ZNF445: variants seen among roughly 807,000 people sequenced by gnomAD.
ZNF445 encodes zinc finger protein 445.
ZNF445 carries 19 observed loss-of-function variants against 93.9 expected under a neutral mutation model. That is an observed-to-expected ratio of 0.20 (90% CI 0.14 to 0.30). The LOEUF (loss-of-function observed/expected upper bound fraction) is 0.30, where lower values mean the gene tolerates loss of function less well. Among genes scored for constraint, ZNF445 ranks in the 10% least tolerant of loss-of-function variants. The pLI is 1.00. For missense variants in ZNF445, 1,058 were observed against 1,259.4 expected (o/e 0.84, Z 2.42); for synonymous variants, 449 against 446.3 (o/e 1.01, Z -0.08).
At chr3:44,457,097 T>G (rs1225212618) in intron 2 of ZNF445, among the ~76,000 whole-genome samples, 1 of 152,136 alleles carries the variant, frequency 6.6e-6, no homozygotes, top group Non-Finnish European at 1.5e-5. Context: ...GGCACTGCAC[T>G]CTACACTCCA....
intron 1 of ZNF445, among the ~76,000 whole-genome samples, chr3:44,462,554 T>C (rs996254561): frequency 2.2e-4 from 34 of 152,164 alleles, no homozygotes; most frequent in African/African-American, 8.2e-4. Flanking sequence ...TCCTGTCTGG[T>C]TTTTTATTTA....
chr3:44,470,499 A>C (rs1698253525), intron 1 of ZNF445, among the ~76,000 whole-genome samples: 1 of 152,208 alleles, frequency 6.6e-6, no homozygotes, highest in Admixed American at 6.5e-5. Flanking sequence ...AAGCAACTTT[A>C]TATTTTTTTT....
intron 5 of ZNF445, 55 bp downstream of exon 5, chr3:44,450,813 C>A (rs1697946047): frequency 2.1e-6 from 3 of 1,418,798 alleles, no homozygotes; most frequent in Non-Finnish European, 1.9e-6. Flanking sequence ...GCTGCACTAT[C>A]CCATTAGGCA....
At position 44,455,516 on chromosome 3, in the gene ZNF445, C is replaced by T; in HGVS notation, c.34G>A (p.Ala12Thr). ...CGCTCCCTCGAAGACTGGGCCTGAGCTGGATAGGCAGCATGCCACCTGCCT... is the reference window on the plus strand; with the variant it reads ...CGCTCCCTCGAAGACTGGGCCTGAGTTGGATAGGCAGCATGCCACCTGCCT... ...PPGRWHAAYP[A>T]QAQSSRERGR... The change falls in exon 3 of 8, where the codon GCT becomes ACT. Residue 12 changes from alanine to threonine, a missense_variant. This residue lies in a region of ZNF445 where 657 missense variants were observed against 746.4 expected (regional missense o/e 0.88). Coordinates refer to ENST00000396077, the MANE Select transcript of ZNF445 (RefSeq NM_181489.6). 1 of 1,607,646 alleles carries T rather than the reference C, an allele frequency of 6.2e-7. No homozygotes were observed. The highest frequency in any genetic ancestry group is 8.5e-7 in the Non-Finnish European group (1 of 1,176,866).
chr3:44,475,727 G>A (rs1370233432), intron 1 of ZNF445, among the ~76,000 whole-genome samples: 2 of 152,164 alleles, frequency 1.3e-5, no homozygotes, highest in African/African-American at 4.8e-5. Context: ...AGGCGGGCAC[G>A]GTGGCTCACG....
intron 1 of ZNF445, among the ~76,000 whole-genome samples, chr3:44,475,459 C>T (rs1698334262): frequency 6.6e-6 from 1 of 151,996 alleles, no homozygotes; most frequent in Admixed American, 6.5e-5. Context: ...CTCAGCCTCC[C>T]AAAGTGCTGG....
At chr3:44,476,701 T>C (rs766970205) in intron 1 of ZNF445, among the ~76,000 whole-genome samples, 1 of 152,160 alleles carries the variant, frequency 6.6e-6, no homozygotes, top group African/African-American at 2.4e-5. Context: ...CAAGTCAGAG[T>C]GTGCTACAAT....
chr3:44,450,336 G>T, intron 6 of ZNF445, 111 bp downstream of exon 6: 2 of 1,396,230 alleles, frequency 1.4e-6, no homozygotes, highest in Non-Finnish European at 1.0e-6. Context: ...CTGGTCAGCA[G>T]TTACAGAGCC....
chr3:44,443,503 G>A lies in ZNF445; in HGVS notation c.*3072C>T, dbSNP rs1388051316. 1.3e-5 allele frequency: 2 copies of A among 150,312 alleles called. No homozygotes were observed. Among genetic ancestry groups the A allele is most frequent in the African/African-American group, 4.9e-5 (2 of 40,830 alleles). The allele number at this position is 150,312 out of a possible 1,614,324, so 9.3% of individuals were successfully genotyped here. Reference sequence around the variant, plus strand: ...TGGGAGGCCGAGGCGGGTGGATCACGACGTCAGGAGATCGAGACCATCCTG... The same window carrying A: ...TGGGAGGCCGAGGCGGGTGGATCACAACGTCAGGAGATCGAGACCATCCTG... On this transcript the variant is annotated 3_prime_UTR_variant, in exon 8 of 8. Coordinates refer to ENST00000396077, the MANE Select transcript of ZNF445 (RefSeq NM_181489.6).
intron 1 of ZNF445, among the ~76,000 whole-genome samples, chr3:44,465,583 C>T (rs1245414379): frequency 2.6e-5 from 4 of 152,154 alleles, no homozygotes; most frequent in Non-Finnish European, 5.9e-5. Context: ...TATGGTTAAA[C>T]TAACTACTGG....
At position 44,469,172 on chromosome 3, in the gene ZNF445, AG is replaced by A. The variant is rs779221080; in HGVS notation, c.-269+8418del. The stretch of plus-strand genomic sequence containing the variant: ...ATAAGGCTCTGTAGCCAAAGTTACA[AG>A]GCAACTAGGTGTCACCCAAGGAAGA... On this transcript the variant is annotated intron_variant, in intron 1 of 7. Coordinates refer to ENST00000396077, the MANE Select transcript of ZNF445 (RefSeq NM_181489.6). 7.2e-5 allele frequency among the ~76,000 whole-genome samples: 11 copies of A among 152,334 alleles called. No individual in the cohort carries two copies. The Middle Eastern group carries it at 0.014, about 188-fold the overall frequency.
At position 44,446,871 on chromosome 3, in the gene ZNF445, A is replaced by T. The variant is rs976570686; in HGVS notation, c.2800T>A (p.Ser934Thr). 1 of 1,614,004 alleles carries T rather than the reference A, an allele frequency of 6.2e-7. No homozygotes were observed. The highest frequency in any genetic ancestry group is 1.3e-5 in the African/African-American group (1 of 74,906). Residue 934 changes from serine (S) to threonine (T), a missense_variant, in exon 8 of 8, where the codon TCT (serine) becomes ACT (threonine). This residue lies in a region of ZNF445 where 387 missense variants were observed against 475.7 expected (regional missense o/e 0.81). Transcript: ENST00000396077. This position sits in a 1 kb window ranked among gnomAD's most constrained non-coding sequence, Gnocchi z 4.2. ...AERSPPARSS[S>T]QDTKLRLQKL... The stretch of plus-strand genomic sequence containing the variant: ...TGTAATCTCAACTTTGTGTCCTGAG[A>T]GGAAGACCGTGCAGGCGGGCTACGT...
rs1489822581 is a variant in ZNF445 at position 44,447,256 on chromosome 3, G to A, written c.2415C>T (p.Leu805=). 2 of 1,614,144 alleles carry A rather than the reference G, an allele frequency of 1.2e-6. No individual in the cohort carries two copies. The highest frequency in any genetic ancestry group is 1.7e-6 in the Non-Finnish European group (2 of 1,180,018). ...CGKAFRWSSN[L]YRHQRIHSLQ... ...GAGAGTGAATCCTCTGATGTCGGTA[G>A]AGATTGGAACTCCATCTGAAGGCTT... Residue 805 remains leucine, a synonymous_variant, in exon 8 of 8, where the codon CTC becomes CTT. Transcript: ENST00000396077. The surrounding 1 kb of genome is among the most constrained non-coding windows in gnomAD (Gnocchi z 4.7).
intron 1 of ZNF445, among the ~76,000 whole-genome samples, chr3:44,459,624 T>C (rs960096081): frequency 6.6e-6 from 1 of 152,224 alleles, no homozygotes; most frequent in Non-Finnish European, 1.5e-5. Flanking sequence ...GCTACATTAA[T>C]GAAAACACTG....
chr3:44,467,761 A>T (rs896450854), intron 1 of ZNF445, among the ~76,000 whole-genome samples: 22 of 152,226 alleles, frequency 1.4e-4, no homozygotes, highest in African/African-American at 5.1e-4. Context: ...TTTGTAAACA[A>T]ATCAGTCCTA....
intron 1 of ZNF445, among the ~76,000 whole-genome samples, chr3:44,461,540 A>G (rs1477928422): frequency 6.6e-6 from 1 of 151,958 alleles, no homozygotes; most frequent in Non-Finnish European, 1.5e-5. Context: ...TCTAAAGAAG[A>G]CTCAACGCTC....
Position 44,432,299 on chromosome 3 carries a change from GTGT to G in ZNF445, c.*14273_*14275del, listed in dbSNP as rs1416503284. Reference sequence around the variant, plus strand: ...TGTGTGTGTGTGTGTGTGTGTGTGTGTGTGTGTGTGGATGGAGATAGAGAGAGA... The same window carrying G: ...TGTGTGTGTGTGTGTGTGTGTGTGTGGTGTGTGGATGGAGATAGAGAGAGA... On this transcript the variant is annotated 3_prime_UTR_variant, in exon 8 of 8. Transcript: ENST00000396077. The G allele has an allele frequency of 1.3e-5, 2 of 152,414 alleles. No individual in the cohort carries two copies. The highest frequency in any genetic ancestry group is 1.3e-4 in the Admixed American group (2 of 15,256). The allele number at this position is 152,414 out of a possible 1,614,324, so 9.4% of individuals were successfully genotyped here.
At position 44,432,361 on chromosome 3, in the gene ZNF445, A is replaced by C. The variant is rs1697575176; in HGVS notation, c.*14214T>G. On this transcript the variant is annotated 3_prime_UTR_variant, in exon 8 of 8. Coordinates refer to ENST00000396077, the MANE Select transcript of ZNF445 (RefSeq NM_181489.6). ...TGAATTTATGATAAGGAATTGGCTT[A>C]TAGAATTAAGGAGGCTGGCAAGTCC... 1 of 152,228 alleles carries C rather than the reference A, an allele frequency of 6.6e-6. No homozygotes were observed. Among genetic ancestry groups the C allele is most frequent in the African/African-American group, 2.4e-5 (1 of 41,348 alleles). The allele number at this position is 152,228 out of a possible 1,614,324, so 9.4% of individuals were successfully genotyped here. A position where few individuals can be genotyped will look rare whatever the true frequency, so the allele number is the denominator to read the frequency against.
chr3:44,435,607 T>G lies in ZNF445; in HGVS notation c.*10968A>C, dbSNP rs1475353615. The G allele has an allele frequency of 2.0e-5, 3 of 152,186 alleles. No homozygotes were observed. The highest frequency in any genetic ancestry group is 2.9e-5 in the Non-Finnish European group (2 of 68,038). The allele number at this position is 152,186 out of a possible 1,614,324, so 9.4% of individuals were successfully genotyped here. On this transcript the variant is annotated 3_prime_UTR_variant, in exon 8 of 8. Transcript: ENST00000396077. ...TCCAGGAATGTGGTATTAGTTTGCTTTAATATTTTTGTGAATGAGGCAGCT... is the reference window on the plus strand; with the variant it reads ...TCCAGGAATGTGGTATTAGTTTGCTGTAATATTTTTGTGAATGAGGCAGCT...
Sources: allele counts gnomAD v4.1 joint callset (sites outside exome capture counted in the v4.1 genomes callset), GRCh38; gene constraint gnomAD v4.1.1; regional missense constraint gnomAD v4.1.1; non-coding constraint Gnocchi (gnomAD v3.1); transcripts MANE v1.5; gene names NCBI Gene and HGNC (gene_info 2026-07-23, HGNC 2026-07-21).